TPX2: variants seen among roughly 807,000 people sequenced by gnomAD.
TPX2 encodes the protein TPX2 microtubule nucleation factor, also known as targeting protein for Xklp2.
TPX2 carries 21 observed loss-of-function variants against 93.6 expected under a neutral mutation model. The observed-to-expected ratio is 0.22, with a 90% confidence interval of 0.16 to 0.32. The LOEUF is 0.32. Among genes scored for constraint, TPX2 ranks in the 10% least tolerant of loss-of-function variants. TPX2 has a pLI of 1.00. For missense variants in TPX2, 776 were observed against 871.1 expected (o/e 0.89, Z 1.37); for synonymous variants, 281 against 298.3 (o/e 0.94, Z 0.60).
chr20:31,760,032 CAAT>C (rs1157915293), intron 3 of TPX2, 22 bp from the exon 4 acceptor site: 2 of 1,610,302 alleles, frequency 1.2e-6, no homozygotes, highest in Non-Finnish European at 8.5e-7. Context: ...GCTGATCAGA[CAAT>C]GATGATCTTC....
rs776588241 is a variant in TPX2 at position 31,782,390 on chromosome 20, A to G, written c.1196A>G (p.Gln399Arg). ...GCTGAGGAGCTCGAGAAATTGCAAC[A>G]GTAAGTCCCACTGGCAGTATCTGAG... Reference protein sequence around the residue: ...LEAEELEKLQQYKFKARELDP... With the variant: ...LEAEELEKLQRYKFKARELDP... Residue 399 changes from glutamine (Q) to arginine (R), a missense_variant and splice_region_variant, in exon 11 of 18, where the codon CAA becomes CGA. Around this residue, in one of 3 missense-constraint regions of TPX2, gnomAD observed 461 missense variants for 551.2 expected, o/e 0.84. Coordinates refer to ENST00000300403, the MANE Select transcript of TPX2 (RefSeq NM_012112.5). The G allele has an allele frequency of 1.9e-6, 3 of 1,608,410 alleles. No homozygotes were observed. Among genetic ancestry groups the G allele is most frequent in the African/African-American group, 1.3e-5 (1 of 74,794 alleles).
chr20:31,794,314 T>A, intron 14 of TPX2, 88 bp from the exon 15 acceptor site: 1 of 1,513,040 alleles, frequency 6.6e-7, no homozygotes, highest in South Asian at 1.3e-5. Context: ...TTTCCTTCCT[T>A]ATTTTTCAGA....
chr20:31,794,572 A>C, intron 15 of TPX2, 24 bp downstream of exon 15: 1 of 1,610,774 alleles, frequency 6.2e-7, no homozygotes, highest in Non-Finnish European at 8.5e-7. Flanking sequence ...AGAGCAGCCA[A>C]AATGTTAATT....
intron 7 of TPX2, among the ~76,000 whole-genome samples, chr20:31,773,427 A>C (rs2061976801): frequency 6.8e-6 from 1 of 146,622 alleles, no homozygotes; most frequent in Non-Finnish European, 1.6e-5. Flanking sequence ...CTGGGATTAC[A>C]GGTGTGAGCC....
intron 12 of TPX2, among the ~76,000 whole-genome samples, chr20:31,784,449 A>T (rs1046341145): frequency 6.6e-6 from 1 of 152,208 alleles, no homozygotes; most frequent in Non-Finnish European, 1.5e-5. Flanking sequence ...TTCCTAGAGC[A>T]CTCAGCTAGT....
intron 2 of TPX2, among the ~76,000 whole-genome samples, chr20:31,747,665 C>T (rs556611391): frequency 9.2e-5 from 14 of 151,824 alleles, no homozygotes; most frequent in Non-Finnish European, 2.1e-4. Context: ...TCTAGTTTTG[C>T]AAGAATCTGA....
At chr20:31,769,388 G>A (rs1193042439) in intron 5 of TPX2, among the ~76,000 whole-genome samples, 2 of 149,334 alleles carry the variant, frequency 1.3e-5, no homozygotes, top group South Asian at 2.1e-4. Flanking sequence ...GTGCGATCTC[G>A]GTTCACTGCA....
At chr20:31,774,526 A>G (rs2061984151) in intron 7 of TPX2, among the ~76,000 whole-genome samples, 1 of 152,224 alleles carries the variant, frequency 6.6e-6, no homozygotes, top group Non-Finnish European at 1.5e-5. Flanking sequence ...CAAGCACTTC[A>G]GAGACATCAT....
chr20:31,742,226 T>C (rs2061757361), intron 1 of TPX2, among the ~76,000 whole-genome samples: 2 of 147,200 alleles, frequency 1.4e-5, no homozygotes. Context: ...CAGGCTGGAG[T>C]GCACTGGCTG....
In TPX2 at chr20:31,766,608, C is replaced by T. The variant is rs115949457; in HGVS notation, c.282C>T (p.Ser94=). Residue 94 remains serine (S), a synonymous_variant, in exon 5 of 18, where the codon TCC becomes TCT. Transcript: ENST00000300403. ...AAAAAGAAAATCTTGTGGAACAATC[C>T]ATTCCGTCAAATGCTTGTTCTTCCC... The part of the protein sequence containing the change: ...EAEKENLVEQ[S]IPSNACSSLE... The T allele has an allele frequency of 2.0e-3, 3,269 of 1,613,472 alleles. 51 individuals are homozygous for T. In the African/African-American group the frequency reaches 0.04, roughly 20 times the overall value.
chr20:31,785,869 T>A (rs750558454), intron 12 of TPX2, among the ~76,000 whole-genome samples: 9 of 152,326 alleles, frequency 5.9e-5, no homozygotes, highest in Middle Eastern at 6.8e-3. Flanking sequence ...TTTATTTATG[T>A]ACCACTCTCT....
intron 10 of TPX2, chr20:31,780,845 CTT>C: frequency 6.3e-6 from 2 of 318,250 alleles, no homozygotes; most frequent in Non-Finnish European, 1.2e-5. Context: ...GGTCTTGATG[CTT>C]TTATATTGAT....
At chr20:31,767,583 G>C (rs983406285) in intron 5 of TPX2, among the ~76,000 whole-genome samples, 2 of 151,998 alleles carry the variant, frequency 1.3e-5, no homozygotes, top group East Asian at 3.9e-4. Flanking sequence ...ACAGAGTCTT[G>C]CTCAGTTACC....
intron 5 of TPX2, among the ~76,000 whole-genome samples, chr20:31,769,236 T>A: frequency 6.6e-6 from 1 of 151,446 alleles, no homozygotes; most frequent in East Asian, 1.9e-4. Context: ...AAATTTTTTG[T>A]TTTTCTTCGA....
chr20:31,783,720 A>G lies in TPX2; in HGVS notation c.1212A>G (p.Ala404=), dbSNP rs148909717. 3.1e-6 allele frequency: 5 copies of G among 1,601,326 alleles called. No individual in the cohort carries two copies. The African/African-American group carries it at 6.8e-5, about 22-fold the overall frequency. ...CACCTTACAGATACAAATTCAAAGC[A>G]CGTGAACTTGATCCCAGAATACTTG... ...LEKLQQYKFK[A]RELDPRILEG... The change falls in exon 12 of 18, where the codon GCA becomes GCG. Residue 404 remains alanine, a synonymous_variant. Coordinates refer to ENST00000300403, the MANE Select transcript of TPX2 (RefSeq NM_012112.5).
chr20:31,768,589 T>C (rs148441816), intron 5 of TPX2, among the ~76,000 whole-genome samples: 1 of 152,030 alleles, frequency 6.6e-6, no homozygotes, highest in Non-Finnish European at 1.5e-5. Flanking sequence ...GCACTGACCA[T>C]AATGGGGGTG....
intron 2 of TPX2, among the ~76,000 whole-genome samples, chr20:31,751,821 C>T (rs1247935610): frequency 6.6e-6 from 1 of 152,214 alleles, no homozygotes; most frequent in Non-Finnish European, 1.5e-5. Flanking sequence ...CAGCTCACTG[C>T]AACCTTCGCC....
chr20:31,761,709 CAT>C (rs1013714853), intron 4 of TPX2, among the ~76,000 whole-genome samples: 17 of 152,242 alleles, frequency 1.1e-4, no homozygotes, highest in African/African-American at 4.1e-4. Context: ...CTGTAATAAA[CAT>C]AGGAGTGCAC....
Position 31,793,957 on chromosome 20 carries a change from T to G in TPX2, c.1619T>G (p.Phe540Cys). The G allele has an allele frequency of 1.2e-6, 2 of 1,613,946 alleles. No individual in the cohort carries two copies. Among genetic ancestry groups the G allele is most frequent in the South Asian group, 1.1e-5 (1 of 91,062 alleles). The change falls in exon 14 of 18, where the codon TTT becomes TGT. Residue 540 changes from phenylalanine to cysteine, a missense_variant. Transcript: ENST00000300403. ...ARTVEICPFS[F>C]DSRDKERQLQ... Reference sequence around the variant, plus strand: ...ACTGTGGAAATATGCCCTTTCTCGTTTGATTCTCGAGACAAAGAACGTCAG... The same window carrying G: ...ACTGTGGAAATATGCCCTTTCTCGTGTGATTCTCGAGACAAAGAACGTCAG...
Sources: allele counts gnomAD v4.1 joint callset (sites outside exome capture counted in the v4.1 genomes callset), GRCh38; gene constraint gnomAD v4.1.1; regional missense constraint gnomAD v4.1.1; transcripts MANE v1.5; gene names NCBI Gene and HGNC (gene_info 2026-07-23, HGNC 2026-07-21).